MBD5: variants seen among roughly 807,000 people sequenced by gnomAD.
The protein encoded by MBD5 is methyl-CpG-binding domain protein 5.
A neutral mutation model predicts 117.3 loss-of-function variants in MBD5; 13 were observed. The ratio of observed to expected loss-of-function variants is 0.11; its 90% confidence interval spans 0.07 to 0.18. The LOEUF (loss-of-function observed/expected upper bound fraction) is 0.18. MBD5 is among the 10% of genes least tolerant of loss of function. The pLI is 1.00. For synonymous variants in MBD5, 727 were observed against 766.4 expected (o/e 0.95, Z 0.85); for missense variants, 1,879 against 2,093.8 (o/e 0.90, Z 2.00).
chr2:148,212,378 T>A (rs1699444997), intron 2 of MBD5, among the ~76,000 whole-genome samples: 1 of 152,216 alleles, frequency 6.6e-6, no homozygotes, highest in South Asian at 2.1e-4. Flanking sequence ...TTTTCAAGGC[T>A]CATCTGTGTT....
At chr2:148,343,787 C>T (rs1300904615) in intron 4 of MBD5, among the ~76,000 whole-genome samples, 13 of 151,796 alleles carry the variant, frequency 8.6e-5, no homozygotes, top group Admixed American at 1.3e-4. Flanking sequence ...TAATTTCTTT[C>T]GCTGTGCAGA....
At chr2:148,065,057 T>G (rs1401867747) in intron 1 of MBD5, among the ~76,000 whole-genome samples, 1 of 151,906 alleles carries the variant, frequency 6.6e-6, no homozygotes, top group East Asian at 1.9e-4. Context: ...AGAGATGGAG[T>G]TGCACAGCCA....
intron 11 of MBD5, among the ~76,000 whole-genome samples, chr2:148,492,508 G>T (rs1314326232): frequency 1.1e-4 from 17 of 151,944 alleles, no homozygotes. Flanking sequence ...AAATATTAAT[G>T]ATAATACATG....
intron 4 of MBD5, among the ~76,000 whole-genome samples, chr2:148,410,786 A>G (rs1328032900): frequency 6.6e-6 from 1 of 152,138 alleles, no homozygotes; most frequent in Non-Finnish European, 1.5e-5. Flanking sequence ...TATGTTGCAA[A>G]TATTTTCCCC....
At chr2:148,178,847 C>G in intron 2 of MBD5, 54 bp downstream of exon 2, 1 of 397,052 alleles carries the variant, frequency 2.5e-6, no homozygotes, top group Non-Finnish European at 4.4e-6. Context: ...TTAGGGTTGT[C>G]AGATTATAAT....
At chr2:148,235,917 G>C (rs10168627) in intron 3 of MBD5, among the ~76,000 whole-genome samples, 1,957 of 152,072 alleles carry the variant, frequency 0.013, 36 homozygotes, top group African/African-American at 0.044. Context: ...TCCCACCTCA[G>C]CCTCCCGAAT....
chr2:148,317,556 C>T (rs1051199217), intron 3 of MBD5, among the ~76,000 whole-genome samples: 1 of 152,024 alleles, frequency 6.6e-6, no homozygotes, highest in Non-Finnish European at 1.5e-5. Flanking sequence ...GTATTTGTCA[C>T]CCAAATAAGG....
At chr2:148,366,463 G>C (rs1192545711) in intron 4 of MBD5, among the ~76,000 whole-genome samples, 1 of 152,138 alleles carries the variant, frequency 6.6e-6, no homozygotes, top group Non-Finnish European at 1.5e-5. Context: ...CATAGTGTTG[G>C]AAGTTCTGGC....
chr2:148,197,762 T>C (rs1367812035), intron 2 of MBD5, among the ~76,000 whole-genome samples: 3 of 151,132 alleles, frequency 2.0e-5, no homozygotes, highest in African/African-American at 7.3e-5. Context: ...CACTATTCTT[T>C]GGAGTAGAAT....
At chr2:148,341,120 A>T (rs1702934380) in intron 3 of MBD5, among the ~76,000 whole-genome samples, 1 of 151,946 alleles carries the variant, frequency 6.6e-6, no homozygotes, top group African/African-American at 2.4e-5. Context: ...GATGATTTTC[A>T]TTCAGCTTCT....
At chr2:148,384,113 C>A (rs994258624) in intron 4 of MBD5, among the ~76,000 whole-genome samples, 1 of 151,898 alleles carries the variant, frequency 6.6e-6, no homozygotes, top group Non-Finnish European at 1.5e-5. Flanking sequence ...CTGGCCAGGG[C>A]AATCAGGCAG....
At chr2:148,412,272 T>TTTTTGTG (rs946184910) in intron 4 of MBD5, among the ~76,000 whole-genome samples, 1 of 144,480 alleles carries the variant, frequency 6.9e-6, no homozygotes, top group African/African-American at 2.6e-5. Context: ...AGTATACTTT[T>TTTTTGTG]TGTGTGTGTG....
At chr2:148,303,478 G>A (rs1462188929) in intron 3 of MBD5, among the ~76,000 whole-genome samples, 3 of 152,080 alleles carry the variant, frequency 2.0e-5, no homozygotes, top group African/African-American at 7.2e-5. Context: ...CAGTTCCAGA[G>A]TGTTATTTCA....
chr2:148,270,606 C>A (rs1483025602), intron 3 of MBD5, among the ~76,000 whole-genome samples: 14 of 152,108 alleles, frequency 9.2e-5, no homozygotes, highest in Admixed American at 9.2e-4. Context: ...CCAGGCTGGT[C>A]TCAAACTCCT....
chr2:148,286,391 C>T (rs543515270), intron 3 of MBD5, among the ~76,000 whole-genome samples: 1 of 152,242 alleles, frequency 6.6e-6, no homozygotes, highest in African/African-American at 2.4e-5. Flanking sequence ...TTCTGCATTT[C>T]GATCCCCAAG....
chr2:148,179,901 A>T (rs1217299282), intron 2 of MBD5, among the ~76,000 whole-genome samples: 1 of 152,188 alleles, frequency 6.6e-6, no homozygotes, highest in African/African-American at 2.4e-5. Context: ...TTTTTAAAGA[A>T]CAGAAATAAA....
chr2:148,403,377 A>G (rs956453551), intron 4 of MBD5, among the ~76,000 whole-genome samples: 1 of 151,960 alleles, frequency 6.6e-6, no homozygotes, highest in Non-Finnish European at 1.5e-5. Context: ...ATGGGGTTTC[A>G]CCATGTTGGC....
intron 4 of MBD5, among the ~76,000 whole-genome samples, chr2:148,445,488 A>G (rs533639563): frequency 1.3e-5 from 2 of 151,488 alleles, no homozygotes; most frequent in East Asian, 3.9e-4. Context: ...ATGGCTGCAT[A>G]GTATTCCATG....
At chr2:148,309,777 T>C (rs936919025) in intron 3 of MBD5, among the ~76,000 whole-genome samples, 2 of 152,228 alleles carry the variant, frequency 1.3e-5, no homozygotes, top group Admixed American at 1.3e-4. Context: ...CCATTCAGTA[T>C]GATATTGGCT....
Sources: gnomAD v4.1 joint callset for allele counts (sites outside exome capture counted in the v4.1 genomes callset) on GRCh38, gnomAD v4.1.1 for gene constraint, MANE v1.5 for transcripts, NCBI Gene and HGNC (gene_info 2026-07-23, HGNC 2026-07-21) for gene names.